The following CCDC171 variants were observed in gnomAD, a reference collection of about 807,000 sequenced individuals.
The protein encoded by CCDC171 is coiled-coil domain containing 171, also known as coiled-coil domain-containing protein 171.
A neutral mutation model predicts 168.2 loss-of-function variants in CCDC171; 177 were observed. The ratio of observed to expected loss-of-function variants is 1.05; its 90% CI spans 0.93 to 1.19. CCDC171 has a LOEUF of 1.19. Ranked by LOEUF, CCDC171 falls within the 50% of genes most tolerant of loss-of-function variation. CCDC171 has a pLI of 0.00. For missense variants in CCDC171, 1,991 were observed against 1,539.0 expected, an observed-to-expected ratio of 1.29 and a Z score of -4.91; for synonymous variants, 687 against 540.8, an observed-to-expected ratio of 1.27 and a Z score of -3.75.
At chr9:15,860,071 A>T (rs748953495) in intron 23 of CCDC171, among the ~76,000 whole-genome samples, 3 of 151,502 alleles carry the variant, frequency 2.0e-5, no homozygotes, top group Non-Finnish European at 4.4e-5. Flanking sequence ...TATATTGCAT[A>T]TAATTGTTCA....
chr9:15,983,511 T>TGA (rs139449191), intron 3 of CCDC171, among the ~76,000 whole-genome samples: 43,128 of 136,734 alleles, frequency 0.32, 7,812 homozygotes, highest in East Asian at 0.58. Context: ...TGTGTGTGTG[T>TGA]GAGAGAGAGA....
At chr9:15,939,353 G>GT (rs774161584) in intron 25 of CCDC171, among the ~76,000 whole-genome samples, 1 of 151,090 alleles carries the variant, frequency 6.6e-6, no homozygotes, top group African/African-American at 2.4e-5. Context: ...TCCTACACAG[G>GT]TAAAAAAAAG....
intron 21 of CCDC171, among the ~76,000 whole-genome samples, chr9:15,832,194 A>G (rs943716142): frequency 6.6e-6 from 1 of 152,226 alleles, no homozygotes; most frequent in Non-Finnish European, 1.5e-5. Flanking sequence ...TGCCAAATAA[A>G]TCTACAGTGG....
the CCDC171 span, among the ~76,000 whole-genome samples, chr9:16,074,100 C>G: frequency 1.1e-4 from 17 of 152,236 alleles, no homozygotes; most frequent in Middle Eastern, 3.4e-3. Context: ...TCTACATTCT[C>G]CATATAAGAA....
At chr9:15,649,904 C>G (rs191460812) in intron 7 of CCDC171, among the ~76,000 whole-genome samples, 1 of 152,160 alleles carries the variant, frequency 6.6e-6, no homozygotes, top group Non-Finnish European at 1.5e-5. Flanking sequence ...ACTGGGTATA[C>G]ACCCAAAGGA....
intron 25 of CCDC171, among the ~76,000 whole-genome samples, chr9:15,957,240 C>T (rs1220505191): frequency 2.0e-5 from 3 of 152,054 alleles, no homozygotes; most frequent in African/African-American, 4.8e-5. Context: ...CTTTTTGCTG[C>T]CGTGTCAAGT....
chr9:15,790,340 T>G (rs991942291), intron 21 of CCDC171, among the ~76,000 whole-genome samples: 21 of 152,240 alleles, frequency 1.4e-4, no homozygotes, highest in Non-Finnish European at 2.6e-4. Context: ...ATTTCTCTAA[T>G]GGCCAGTGAT....
chr9:16,098,045 C>T, the CCDC171 span, among the ~76,000 whole-genome samples: 1 of 152,162 alleles, frequency 6.6e-6, no homozygotes, highest in South Asian at 2.1e-4. Flanking sequence ...GGGAAAGAGA[C>T]ACGAAAACAA....
At chr9:15,788,172 G>A (rs955193) in intron 21 of CCDC171, among the ~76,000 whole-genome samples, 143,286 of 152,278 alleles carry the variant, frequency 0.94, 67,489 homozygotes, top group East Asian at 1. Flanking sequence ...GGTTCAATGG[G>A]AAAAGCACTG....
chr9:16,034,577 G>C (rs1012776037), intron 6 of CCDC171, among the ~76,000 whole-genome samples: 4 of 152,150 alleles, frequency 2.6e-5, no homozygotes, highest in Admixed American at 1.3e-4. Context: ...GTTTCAGTGC[G>C]TGTGACATAG....
chr9:16,103,683 G>A, the CCDC171 span, among the ~76,000 whole-genome samples: 1 of 152,110 alleles, frequency 6.6e-6, no homozygotes, highest in Non-Finnish European at 1.5e-5. Flanking sequence ...CTCAGCAAGG[G>A]GCATGCTGGG....
chr9:15,811,886 C>T (rs1018869469), intron 21 of CCDC171, among the ~76,000 whole-genome samples: 8 of 152,124 alleles, frequency 5.3e-5, no homozygotes, highest in African/African-American at 1.9e-4. Context: ...AGAGATCAAG[C>T]AGTTTGTGGT....
intron 7 of CCDC171, among the ~76,000 whole-genome samples, chr9:15,636,446 G>T (rs2046206239): frequency 6.6e-6 from 1 of 151,884 alleles, no homozygotes; most frequent in Admixed American, 6.6e-5. Context: ...TTTGTAGATG[G>T]CTTACTAAAA....
At chr9:15,830,585 C>T (rs1045876231) in intron 21 of CCDC171, among the ~76,000 whole-genome samples, 5 of 152,056 alleles carry the variant, frequency 3.3e-5, no homozygotes, top group African/African-American at 7.2e-5. Context: ...TAATGCAATC[C>T]GCTTTACCAT....
At chr9:16,085,634 T>C in the CCDC171 span, among the ~76,000 whole-genome samples, 1 of 152,246 alleles carries the variant, frequency 6.6e-6, no homozygotes, top group South Asian at 2.1e-4. Flanking sequence ...CTGGGAAATG[T>C]GTTTCCAGGT....
At chr9:15,900,467 G>A (rs540082445) in intron 24 of CCDC171, among the ~76,000 whole-genome samples, 44 of 152,220 alleles carry the variant, frequency 2.9e-4, no homozygotes, top group African/African-American at 1.0e-3. Context: ...CTTCTCAGGT[G>A]AGATCACAGC....
Position 15,695,308 on chromosome 9 carries a change from GC to G in CCDC171, c.1290del (p.Phe431LeufsTer28). 6.2e-7 allele frequency: 1 copy of G among 1,614,084 alleles called. No individual in the cohort carries two copies. The highest frequency in any genetic ancestry group is 1.7e-5 in the Admixed American group (1 of 60,030). On this transcript the variant is annotated frameshift_variant, in exon 11 of 26. Transcript: ENST00000380701. LOFTEE classifies it high-confidence loss of function. ...AAAGAATTGGAATCGATCTTGGACA[GC>G]TTTACTGTGTCGGGCCAGTGGACAT... The part of the protein sequence containing the change: ...NVKELESILD[S>X]FTVSGQWTSG...
intron 7 of CCDC171, among the ~76,000 whole-genome samples, chr9:15,635,184 C>G (rs868812569): frequency 1.3e-5 from 2 of 152,148 alleles, no homozygotes; most frequent in African/African-American, 4.8e-5. Context: ...CATCTGCAAG[C>G]TGAGGAGCAA....
At chr9:16,079,687 G>A in the CCDC171 span, among the ~76,000 whole-genome samples, 1 of 152,182 alleles carries the variant, frequency 6.6e-6, no homozygotes, top group Non-Finnish European at 1.5e-5. Flanking sequence ...ACTGTGAGAC[G>A]ATAATTCTAT....
Sources: allele counts gnomAD v4.1 joint callset (sites outside exome capture counted in the v4.1 genomes callset), GRCh38; gene constraint gnomAD v4.1.1; transcripts MANE v1.5; gene names NCBI Gene and HGNC (gene_info 2026-07-23, HGNC 2026-07-21).